MAGI1: variants seen among roughly 807,000 people sequenced by gnomAD.
MAGI1 encodes the protein membrane associated guanylate kinase, WW and PDZ domain containing 1, also known as membrane-associated guanylate kinase, WW and PDZ domain-containing protein 1.
MAGI1 carries 58 observed loss-of-function variants against 139.9 expected under a neutral mutation model. The ratio of observed to expected loss-of-function variants is 0.41; its 90% CI spans 0.34 to 0.52. The LOEUF (loss-of-function observed/expected upper bound fraction) is 0.52. MAGI1 is among the 20% of genes least tolerant of loss of function. The probability of loss-of-function intolerance (pLI) is 0.12; values close to 1 mark genes in which losing one functional copy is unlikely to be tolerated. For missense variants in MAGI1, 1,874 were observed against 1,901.6 expected, an observed-to-expected ratio of 0.99 and a Z score of 0.27; for synonymous variants, 812 against 737.9, an observed-to-expected ratio of 1.10 and a Z score of -1.63.
At chr3:65,387,288 T>C (rs555447794) in intron 14 of MAGI1, 85 of 1,277,064 alleles carry the variant, frequency 6.7e-5, no homozygotes, top group Admixed American at 4.2e-4. Flanking sequence ...TAGTTCACTT[T>C]AATTTAGTTT....
At chr3:65,426,808 A>G (rs538954001) in intron 12 of MAGI1, among the ~76,000 whole-genome samples, 1 of 152,324 alleles carries the variant, frequency 6.6e-6, no homozygotes, top group African/African-American at 2.4e-5. Flanking sequence ...TTTCTATCCT[A>G]TACATAAATC....
At chr3:65,582,971 G>T (rs963728597) in intron 2 of MAGI1, among the ~76,000 whole-genome samples, 4 of 152,186 alleles carry the variant, frequency 2.6e-5, no homozygotes, top group African/African-American at 9.7e-5. Flanking sequence ...GTTACGTAAT[G>T]TTAAAAATAA....
intron 1 of MAGI1, among the ~76,000 whole-genome samples, chr3:65,632,201 G>C (rs1305436382): frequency 6.6e-6 from 1 of 152,058 alleles, no homozygotes; most frequent in East Asian, 1.9e-4. Context: ...ATTACCTAAA[G>C]GTTATGGCAG....
intron 1 of MAGI1, among the ~76,000 whole-genome samples, chr3:65,769,971 G>A (rs569757502): frequency 7.9e-5 from 12 of 152,254 alleles, no homozygotes; most frequent in African/African-American, 2.6e-4. Flanking sequence ...CTTGGGCAAA[G>A]ATGTTCACTT....
At chr3:65,409,678 T>A (rs1233609249) in intron 12 of MAGI1, among the ~76,000 whole-genome samples, 1 of 151,994 alleles carries the variant, frequency 6.6e-6, no homozygotes, top group Non-Finnish European at 1.5e-5. Context: ...CATAACCCCG[T>A]AGCATAATTT....
chr3:65,780,796 A>C (rs1364756679), intron 1 of MAGI1, among the ~76,000 whole-genome samples: 2 of 152,212 alleles, frequency 1.3e-5, no homozygotes, highest in African/African-American at 4.8e-5. Flanking sequence ...GGTTGATGAG[A>C]AGGAAAAGAA....
At chr3:65,604,815 T>A (rs143053598) in intron 2 of MAGI1, among the ~76,000 whole-genome samples, 5 of 151,848 alleles carry the variant, frequency 3.3e-5, no homozygotes, top group African/African-American at 1.2e-4. Context: ...ATAAACAAAA[T>A]TCCTATGACT....
chr3:65,906,675 C>T (rs1171778408), intron 1 of MAGI1, among the ~76,000 whole-genome samples: 1 of 152,056 alleles, frequency 6.6e-6, no homozygotes, highest in Non-Finnish European at 1.5e-5. Flanking sequence ...CATTTGAGGT[C>T]AGGAGTTAGA....
At chr3:65,401,781 A>C in intron 12 of MAGI1, 1 of 1,374,290 alleles carries the variant, frequency 7.3e-7, no homozygotes, top group Non-Finnish European at 9.4e-7. Context: ...ACAGAATCTC[A>C]AATGCTCTTC....
chr3:65,360,348 CTTCTT>C, intron 22 of MAGI1: 1 of 952,844 alleles, frequency 1.0e-6, no homozygotes, highest in Non-Finnish European at 1.2e-6. Context: ...GGCATAGCTT[CTTCTT>C]TTTTTTTTTT....
chr3:65,613,075 G>T (rs190288851), intron 2 of MAGI1, among the ~76,000 whole-genome samples: 2 of 152,142 alleles, frequency 1.3e-5, no homozygotes. Context: ...TCTTTAAGGT[G>T]ATTGCAGGCA....
chr3:65,603,565 G>C (rs2082582312), intron 2 of MAGI1, among the ~76,000 whole-genome samples: 1 of 152,232 alleles, frequency 6.6e-6, no homozygotes, highest in Non-Finnish European at 1.5e-5. Context: ...CCATCGAACA[G>C]AAAGTTATTC....
chr3:65,910,143 C>A (rs1034141351), intron 1 of MAGI1, among the ~76,000 whole-genome samples: 1 of 152,178 alleles, frequency 6.6e-6, no homozygotes, highest in Non-Finnish European at 1.5e-5. Context: ...GGGTTGGGGA[C>A]CCCTCATCTA....
intron 1 of MAGI1, among the ~76,000 whole-genome samples, chr3:65,891,916 A>ACCCG: frequency 9.4e-6 from 1 of 105,876 alleles, no homozygotes. Flanking sequence ...ATATATATAT[A>ACCCG]TATATATATA....
chr3:65,687,662 C>T (rs2088178206), intron 1 of MAGI1: 10 of 489,328 alleles, frequency 2.0e-5, no homozygotes, highest in South Asian at 9.7e-5. Flanking sequence ...GCAGCTGCCC[C>T]GCTGGTAATA....
intron 1 of MAGI1, among the ~76,000 whole-genome samples, chr3:65,728,317 G>A (rs1435243888): frequency 6.6e-6 from 1 of 152,122 alleles, no homozygotes; most frequent in Non-Finnish European, 1.5e-5. Context: ...CGCAGAAGGT[G>A]GCCTAAGATG....
At chr3:65,732,594 C>G (rs1409235122) in intron 1 of MAGI1, among the ~76,000 whole-genome samples, 1 of 152,122 alleles carries the variant, frequency 6.6e-6, no homozygotes, top group African/African-American at 2.4e-5. Context: ...ACCTAGAAAA[C>G]AAGAATGTGA....
At chr3:65,629,068 G>A (rs571336584) in intron 1 of MAGI1, among the ~76,000 whole-genome samples, 2 of 151,924 alleles carry the variant, frequency 1.3e-5, no homozygotes, top group African/African-American at 2.4e-5. Flanking sequence ...AAGTTGTGTC[G>A]TGTCTCTTTT....
intron 1 of MAGI1, among the ~76,000 whole-genome samples, chr3:65,751,046 T>A (rs1412183233): frequency 6.6e-6 from 1 of 152,188 alleles, no homozygotes; most frequent in Non-Finnish European, 1.5e-5. Context: ...CAGAAATTTG[T>A]GATGAGGGTT....
Sources: allele counts gnomAD v4.1 joint callset (sites outside exome capture counted in the v4.1 genomes callset), GRCh38; gene constraint gnomAD v4.1.1; transcripts MANE v1.5; gene names NCBI Gene and HGNC (gene_info 2026-07-23, HGNC 2026-07-21).